The following CUX1 variants were observed in gnomAD, a reference collection of about 807,000 sequenced individuals.
CUX1 encodes cut like homeobox 1, also known as protein CASP.
A neutral mutation model predicts 158.8 loss-of-function variants in CUX1; 31 were observed. The ratio of observed to expected loss-of-function variants is 0.20; its 90% CI spans 0.15 to 0.26. CUX1 has a LOEUF of 0.26. Ranked by LOEUF, CUX1 falls within the 10% of genes least tolerant of loss-of-function variation. The probability of loss-of-function intolerance (pLI) is 1.00; values close to 1 mark genes in which losing one functional copy is unlikely to be tolerated. For missense variants in CUX1, 1,589 were observed against 2,014.6 expected, an observed-to-expected ratio of 0.79 and a Z score of 4.04; for synonymous variants, 879 against 862.1, an observed-to-expected ratio of 1.02 and a Z score of -0.34.
At position 101,973,023 on chromosome 7, in the gene CUX1, C is replaced by T. The variant is rs555626300; in HGVS notation, c.142-55075C>T. Among the ~76,000 whole-genome samples the T allele has an allele frequency of 3.1e-4, 47 of 152,248 alleles. 1 individual carries two copies. In the South Asian group the frequency reaches 4.1e-3, roughly 13 times the overall value. Reference sequence around the variant, plus strand: ...CCTTTTTGATTCTAAAAATGACACTCGGGTTTTAGAGGGTTGCTTTTCAGG... The same window carrying T: ...CCTTTTTGATTCTAAAAATGACACTTGGGTTTTAGAGGGTTGCTTTTCAGG... On this transcript the variant is annotated intron_variant, in intron 2 of 23. Transcript: ENST00000292535.
At chr7:101,823,553 A>C (rs1272222425) in intron 1 of CUX1, among the ~76,000 whole-genome samples, 1 of 152,220 alleles carries the variant, frequency 6.6e-6, no homozygotes, top group Non-Finnish European at 1.5e-5. Context: ...GATGCAGTTA[A>C]CAAAGCAGGA....
Position 102,204,663 on chromosome 7 carries a change from A to G in CUX1, c.3073+107A>G, listed in dbSNP as rs757315190. The G allele has an allele frequency of 3.5e-6, 5 of 1,427,926 alleles. 1 individual carries two copies. The highest frequency in any genetic ancestry group is 2.3e-5 in the East Asian group (1 of 42,654). 88.5% of individuals were successfully genotyped at this position (1,427,926 alleles called of 1,614,324 possible). A position where few individuals can be genotyped will look rare whatever the true frequency, so the allele number is the denominator to read the frequency against. On this transcript the variant is annotated intron_variant, in intron 19 of 23. Coordinates refer to ENST00000292535, the MANE Select transcript of CUX1 (RefSeq NM_181552.4). ...GAGAGGGAGGAGGGAACTCCGCCCC[A>G]GGAGGTGGCCAACCACACTCCCCAC...
At chr7:102,175,733 C>G (rs1354887517) in intron 10 of CUX1, among the ~76,000 whole-genome samples, 1 of 152,228 alleles carries the variant, frequency 6.6e-6, no homozygotes, top group Non-Finnish European at 1.5e-5. Flanking sequence ...TCCTCCTACC[C>G]TGGAGGGCTC....
At chr7:102,180,340 G>A (rs1183129073) in intron 11 of CUX1, among the ~76,000 whole-genome samples, 7 of 129,686 alleles carry the variant, frequency 5.4e-5, no homozygotes, top group Non-Finnish European at 9.4e-5. Context: ...TTTTTGAAAC[G>A]GAGTCTCACT....
At chr7:102,114,265 C>T (rs1380458617) in intron 7 of CUX1, among the ~76,000 whole-genome samples, 1 of 152,126 alleles carries the variant, frequency 6.6e-6, no homozygotes, top group African/African-American at 2.4e-5. Flanking sequence ...ACGTAAAATA[C>T]ACTTTCTTTT....
intron 3 of CUX1, among the ~76,000 whole-genome samples, chr7:102,054,572 G>A (rs1823913802): frequency 6.6e-6 from 1 of 152,164 alleles, no homozygotes; most frequent in African/African-American, 2.4e-5. Context: ...ATTGGGAAGT[G>A]TGACTCCTCC....
At chr7:101,888,247 C>T (rs964941730) in intron 1 of CUX1, among the ~76,000 whole-genome samples, 1 of 152,084 alleles carries the variant, frequency 6.6e-6, no homozygotes, top group Non-Finnish European at 1.5e-5. Flanking sequence ...AGGAGAATCT[C>T]TTGAACCCAG....
intron 3 of CUX1, among the ~76,000 whole-genome samples, chr7:102,039,585 G>T (rs946196011): frequency 9.3e-5 from 14 of 150,986 alleles, no homozygotes; most frequent in Non-Finnish European, 1.9e-4. Context: ...AGCCCAGGAG[G>T]TTGAGGCTGC....
upstream of CUX1, chr7:101,816,869 G>C (rs1290884941): frequency 2.1e-6 from 2 of 971,878 alleles, no homozygotes. Flanking sequence ...GGCTGTCACC[G>C]GCCCGGGCCG....
In CUX1 at chr7:102,253,402, A is replaced by G; in HGVS notation, c.*4360A>G. ...AAGATTATGCCACAGCCAGGCCCTA[A>G]AAAGAGAGGGGAACAGGAGTCCCCA... On this transcript the variant is annotated 3_prime_UTR_variant, in exon 24 of 24. Transcript: ENST00000292535. 1.0e-6 allele frequency: 1 copy of G among 985,462 alleles called. No individual in the cohort carries two copies. Among genetic ancestry groups the G allele is most frequent in the Non-Finnish European group, 1.2e-6 (1 of 829,958 alleles). 61.0% of individuals were successfully genotyped at this position (985,462 alleles called of 1,614,324 possible).
intron 1 of CUX1, among the ~76,000 whole-genome samples, chr7:101,870,707 G>A (rs893912310): frequency 6.6e-6 from 1 of 152,136 alleles, no homozygotes; most frequent in African/African-American, 2.4e-5. Flanking sequence ...ATTACAGAGC[G>A]GCAAACAACC....
At chr7:101,892,659 T>G (rs2131656139) in intron 1 of CUX1, among the ~76,000 whole-genome samples, 1 of 152,338 alleles carries the variant, frequency 6.6e-6, no homozygotes, top group South Asian at 2.1e-4. Flanking sequence ...TATATAGCCA[T>G]GCTCGAGTCA....
At chr7:102,150,509 C>T (rs906600588) in intron 8 of CUX1, among the ~76,000 whole-genome samples, 4 of 152,168 alleles carry the variant, frequency 2.6e-5, no homozygotes, top group African/African-American at 7.2e-5. Context: ...CTTTGAAGGC[C>T]GCTCTGTATG....
At chr7:101,823,074 C>T (rs1462360091) in intron 1 of CUX1, among the ~76,000 whole-genome samples, 2 of 152,070 alleles carry the variant, frequency 1.3e-5, no homozygotes, top group Non-Finnish European at 2.9e-5. Context: ...TTATTTTAAT[C>T]CAACGGCATT....
chr7:102,091,428 T>C (rs1828569645), intron 4 of CUX1, among the ~76,000 whole-genome samples: 1 of 152,164 alleles, frequency 6.6e-6, no homozygotes, highest in South Asian at 2.1e-4. Flanking sequence ...ACTCCTGGCC[T>C]CAAGCAATCC....
At chr7:101,935,539 C>T (rs932628802) in intron 2 of CUX1, among the ~76,000 whole-genome samples, 1 of 152,344 alleles carries the variant, frequency 6.6e-6, no homozygotes, top group Non-Finnish European at 1.5e-5. Context: ...GGGTGCCCTG[C>T]ACTTCTCCGG....
intron 1 of CUX1, among the ~76,000 whole-genome samples, chr7:101,914,569 G>T (rs866087640): frequency 1.3e-5 from 2 of 151,352 alleles, no homozygotes; most frequent in Middle Eastern, 6.8e-3. Context: ...CGTGATCTCG[G>T]CTCACTGCAA....
chr7:102,283,370 C>G (rs1792262172), exon 23 of CUX1: 1 of 482,932 alleles, frequency 2.1e-6, no homozygotes, highest in African/African-American at 1.9e-5. Context: ...TGCCCGCAGC[C>G]TGACCTCTAG....
chr7:102,133,918 C>T (rs1833616304), intron 8 of CUX1, among the ~76,000 whole-genome samples: 2 of 152,214 alleles, frequency 1.3e-5, no homozygotes, highest in African/African-American at 4.8e-5. Flanking sequence ...ATCTCATTCC[C>T]GTTGTTACGG....
Sources: allele counts gnomAD v4.1 joint callset (sites outside exome capture counted in the v4.1 genomes callset), GRCh38; gene constraint gnomAD v4.1.1; transcripts MANE v1.5; gene names NCBI Gene and HGNC (gene_info 2026-07-23, HGNC 2026-07-21).